The following LRP8 variants were observed in gnomAD, a reference collection of about 807,000 sequenced individuals.
LRP8 encodes low-density lipoprotein receptor-related protein 8.
Under a neutral mutation model 111.6 loss-of-function variants are expected in LRP8, and 46 were observed. The observed-to-expected ratio is 0.41, with a 90% CI of 0.33 to 0.53. LRP8 has a LOEUF of 0.53. Ranked by LOEUF, LRP8 falls within the 20% of genes least tolerant of loss-of-function variation. LRP8 has a pLI of 0.20. For missense variants in LRP8, 959 were observed against 1,297.4 expected (o/e 0.74, Z 4.01); for synonymous variants, 464 against 511.2 (o/e 0.91, Z 1.24).
intron 2 of LRP8, 54 bp from the exon 3 acceptor site, chr1:53,289,743 G>A: frequency 6.2e-7 from 1 of 1,602,644 alleles, no homozygotes; most frequent in Non-Finnish European, 8.5e-7. Flanking sequence ...GGAGGGTGGT[G>A]GGCCGACCAG....
At chr1:53,285,168 C>T (rs771121850) in intron 3 of LRP8, among the ~76,000 whole-genome samples, 36 of 152,190 alleles carry the variant, frequency 2.4e-4, no homozygotes, top group Non-Finnish European at 3.8e-4. Flanking sequence ...GTTGTTTGTT[C>T]AAAGGCTAGT....
At position 53,313,455 on chromosome 1, in the gene LRP8, C is replaced by T. The variant is rs112925165; in HGVS notation, c.244+13418G>A. On this transcript the variant is annotated intron_variant, in intron 2 of 18. Transcript: ENST00000306052. Reference sequence around the variant, plus strand: ...CTTCCTCCACCGTCCTCCACAGGTCCCTGTCCCCCTGAGGCTTGTGGACTG... The same window carrying T: ...CTTCCTCCACCGTCCTCCACAGGTCTCTGTCCCCCTGAGGCTTGTGGACTG... 2.3e-3 allele frequency among the ~76,000 whole-genome samples: 343 copies of T among 152,328 alleles called. 5 individuals carry two copies. Among genetic ancestry groups the T allele is most frequent in the African/African-American group, 7.6e-3 (316 of 41,574 alleles).
At chr1:53,277,779 T>C (rs954813345) in intron 4 of LRP8, among the ~76,000 whole-genome samples, 2 of 152,236 alleles carry the variant, frequency 1.3e-5, no homozygotes, top group African/African-American at 4.8e-5. Flanking sequence ...TCTCTGCCTC[T>C]GCCCTCGTTT....
intron 3 of LRP8, among the ~76,000 whole-genome samples, chr1:53,281,181 A>T (rs1460548909): frequency 2.0e-5 from 3 of 152,076 alleles, no homozygotes; most frequent in Non-Finnish European, 4.4e-5. Flanking sequence ...TGGAGGGCTC[A>T]CCAAGGCCCC....
At chr1:53,248,933 CAGTG>C (rs1378747195) in intron 18 of LRP8, among the ~76,000 whole-genome samples, 2 of 152,202 alleles carry the variant, frequency 1.3e-5, no homozygotes, top group East Asian at 1.9e-4. Context: ...TTACAAATAA[CAGTG>C]AGCAGAAAGA....
At chr1:53,300,313 C>A (rs1025096504) in intron 2 of LRP8, among the ~76,000 whole-genome samples, 12 of 152,206 alleles carry the variant, frequency 7.9e-5, no homozygotes, top group Admixed American at 4.6e-4. Flanking sequence ...CCCCTGATGG[C>A]CAGCTCAAGC....
rs982802396 is a variant in LRP8 at position 53,279,041 on chromosome 1, G to A, written c.496+1546C>T. ...CCCAAAGTGCTGGGATTACAGGCAT[G>A]AGCCACCGCGCCCCGCCTTAATTTT... is the stretch of plus-strand genomic sequence containing the variant. On this transcript the variant is annotated intron_variant, in intron 4 of 18. Transcript: ENST00000306052. This position sits in a 1 kb window ranked among gnomAD's most constrained non-coding sequence, Gnocchi z 4.4. Among the ~76,000 whole-genome samples, 4 of 151,748 alleles carry A rather than the reference G, an allele frequency of 2.6e-5. No homozygotes were observed. The highest frequency in any genetic ancestry group is 7.3e-5 in the African/African-American group (3 of 41,252).
intron 16 of LRP8, 22 bp downstream of exon 16, chr1:53,255,095 A>G: frequency 1.9e-6 from 3 of 1,612,396 alleles, no homozygotes; most frequent in Non-Finnish European, 2.5e-6. Context: ...TTTTCTCTTC[A>G]GTGACTGGGG....
chr1:53,269,993 CTG>C (rs1283314026), intron 8 of LRP8, among the ~76,000 whole-genome samples: 1 of 152,010 alleles, frequency 6.6e-6, no homozygotes, highest in Non-Finnish European at 1.5e-5. Context: ...ACTCCATATG[CTG>C]TGTGTGTAGT....
Position 53,262,665 on chromosome 1 carries a change from G to A in LRP8, c.1656-101C>T. 3 of 886,500 alleles carry A rather than the reference G, an allele frequency of 3.4e-6. No homozygotes were observed. The highest frequency in any genetic ancestry group is 5.6e-6 in the Non-Finnish European group (3 of 534,130). 54.9% of individuals were successfully genotyped at this position (886,500 alleles called of 1,614,324 possible). ...AACCCATTGACTAGTTGTGGTTTAT[G>A]TTTAGTAGGGACTGAGAAGACCTCT... On this transcript the variant is annotated intron_variant, in intron 10 of 18. Transcript: ENST00000306052. The surrounding 1 kb of genome is among the most constrained non-coding windows in gnomAD (Gnocchi z 4.8).
At chr1:53,254,664 TAATA>T (rs1341622058) in intron 16 of LRP8, among the ~76,000 whole-genome samples, 1 of 152,176 alleles carries the variant, frequency 6.6e-6, no homozygotes, top group Non-Finnish European at 1.5e-5. Context: ...AGTAGCTGCT[TAATA>T]AATACTTGTT....
At chr1:53,310,041 G>A (rs536849930) in intron 2 of LRP8, among the ~76,000 whole-genome samples, 4 of 152,144 alleles carry the variant, frequency 2.6e-5, no homozygotes, top group South Asian at 2.1e-4. Flanking sequence ...TCAGTTTAGC[G>A]GCCTTGAGCT....
At chr1:53,252,060 G>GTAAA (rs1396552570) in intron 16 of LRP8, among the ~76,000 whole-genome samples, 2 of 141,632 alleles carry the variant, frequency 1.4e-5, no homozygotes, top group Admixed American at 7.0e-5. Context: ...AAAAAAAAAA[G>GTAAA]TAAATAAATA....
intron 1 of LRP8, chr1:53,327,542 G>A (rs1460943263): frequency 4.4e-6 from 2 of 456,750 alleles, no homozygotes; most frequent in East Asian, 4.1e-5. Context: ...AAAGTTCCCC[G>A]CTGGCCAAGC....
rs1646575907 is a variant in LRP8, at chr1:53,266,712, A to G, written c.1253-65T>C. On this transcript the variant is annotated intron_variant, in intron 8 of 18. Transcript: ENST00000306052. The surrounding 1 kb of genome is among the most constrained non-coding windows in gnomAD (Gnocchi z 5.0). ...AGAGGCAGGGAGCCTGGAGACCAAG[A>G]CTCTGCCACTGGCTTGCTGGCTGAC... 2 of 1,449,208 alleles carry G rather than the reference A, an allele frequency of 1.4e-6. No homozygotes were observed. The highest frequency in any genetic ancestry group is 9.6e-7 in the Non-Finnish European group (1 of 1,036,976). The allele number at this position is 1,449,208 out of a possible 1,614,324, so 89.8% of individuals were successfully genotyped here.
At chr1:53,306,843 C>T (rs1179334817) in intron 2 of LRP8, among the ~76,000 whole-genome samples, 1 of 152,236 alleles carries the variant, frequency 6.6e-6, no homozygotes. Flanking sequence ...GCCAGGCCCT[C>T]ATCTGTCTAC....
In LRP8 at chr1:53,262,299, T is replaced by A; in HGVS notation, c.1775-92A>T. The A allele has an allele frequency of 6.4e-7, 1 of 1,566,834 alleles. No homozygotes were observed. ...CTCTCCCTGCCCACATTTCTAGGCC[T>A]CACACTGAGGCCAGCCTACGGCAAC... is the stretch of plus-strand genomic sequence containing the variant. On this transcript the variant is annotated intron_variant, in intron 11 of 18. Coordinates refer to ENST00000306052, the MANE Select transcript of LRP8 (RefSeq NM_004631.5). This position sits in a 1 kb window ranked among gnomAD's most constrained non-coding sequence, Gnocchi z 4.8.
intron 2 of LRP8, among the ~76,000 whole-genome samples, chr1:53,298,467 C>T (rs907688365): frequency 1.2e-4 from 18 of 152,292 alleles, no homozygotes; most frequent in African/African-American, 3.8e-4. Flanking sequence ...GCAGGCAGCA[C>T]GCTGAGAAGA....
intron 4 of LRP8, among the ~76,000 whole-genome samples, chr1:53,278,058 G>C (rs542623212): frequency 4.6e-5 from 7 of 152,322 alleles, no homozygotes; most frequent in African/African-American, 1.7e-4. Context: ...TGGCCGGGAG[G>C]AACTTAGAGG....
Sources: gnomAD v4.1 joint callset for allele counts (sites outside exome capture counted in the v4.1 genomes callset) on GRCh38, gnomAD v4.1.1 for gene constraint, Gnocchi (gnomAD v3.1) non-coding constraint, MANE v1.5 for transcripts, NCBI Gene and HGNC (gene_info 2026-07-23, HGNC 2026-07-21) for gene names.